The following PLEKHH1 variants were observed in gnomAD, a reference collection of about 807,000 sequenced individuals.
The protein encoded by PLEKHH1 is pleckstrin homology, MyTH4 and FERM domain containing H1.
In PLEKHH1, 104 loss-of-function variants were observed where a neutral mutation model predicts 160.0. That is an observed-to-expected ratio of 0.65 (90% confidence interval 0.55 to 0.76). The LOEUF (loss-of-function observed/expected upper bound fraction) is 0.76, where lower values mean the gene tolerates loss of function less well. Among genes scored for constraint, PLEKHH1 ranks in the 30% least tolerant of loss-of-function variants. The pLI is 0.00. For missense variants in PLEKHH1, 1,427 were observed against 1,724.1 expected (o/e 0.83, Z 3.05); for synonymous variants, 619 against 678.4 (o/e 0.91, Z 1.36).
chr14:67,573,305 G>A lies in PLEKHH1; in HGVS notation c.1758G>A (p.Leu586=). ...CACTGGAGAAGTCGGGCTACCTGCTGAAAATGGGGAGCCAGGTGAAGACGT... is the reference window on the plus strand; with the variant it reads ...CACTGGAGAAGTCGGGCTACCTGCTAAAAATGGGGAGCCAGGTGAAGACGT... The part of the protein sequence containing the change: ...GESLEKSGYL[L]KMGSQVKTWK... The change falls in exon 12 of 29, where the codon CTG becomes CTA. Residue 586 remains leucine, a synonymous_variant. Transcript: ENST00000329153. The surrounding 1 kb of genome is among the most constrained non-coding windows in gnomAD (Gnocchi z 4.8). 6.2e-7 allele frequency: 1 copy of A among 1,613,564 alleles called. No homozygotes were observed. Among genetic ancestry groups the A allele is most frequent in the Non-Finnish European group, 8.5e-7 (1 of 1,179,630 alleles).
intron 1 of PLEKHH1, among the ~76,000 whole-genome samples, chr14:67,537,721 T>G (rs2033796100): frequency 6.6e-6 from 1 of 152,194 alleles, no homozygotes; most frequent in South Asian, 2.1e-4. Context: ...CTCAAAATCC[T>G]CAAACTTGCC....
intron 23 of PLEKHH1, chr14:67,581,841 A>G: frequency 2.0e-6 from 1 of 503,042 alleles, no homozygotes; most frequent in Non-Finnish European, 3.6e-6. Context: ...GCTTAATGGT[A>G]TCTTCAGAAT....
intron 2 of PLEKHH1, among the ~76,000 whole-genome samples, chr14:67,553,166 A>T (rs2034465618): frequency 6.6e-6 from 1 of 152,192 alleles, no homozygotes; most frequent in African/African-American, 2.4e-5. Flanking sequence ...ATCGTTTCAG[A>T]ATGTCACAAA....
chr14:67,586,957 T>C (rs2036197348), intron 28 of PLEKHH1, 117 bp from the exon 29 acceptor site: 1 of 1,542,198 alleles, frequency 6.5e-7, no homozygotes. Flanking sequence ...CAGGTGGGTA[T>C]TTTAAGAGAT....
intron 3 of PLEKHH1, 90 bp downstream of exon 3, chr14:67,555,977 A>T (rs2034577336): frequency 1.3e-6 from 2 of 1,504,668 alleles, no homozygotes; most frequent in African/African-American, 1.4e-5. Context: ...GGACACATAC[A>T]TCACCAGCAG....
Position 67,578,921 on chromosome 14 carries a change from C to T in PLEKHH1, c.2850-213C>T, listed in dbSNP as rs927141626. Among the ~76,000 whole-genome samples, 8 of 152,176 alleles carry T rather than the reference C, an allele frequency of 5.3e-5. No individual in the cohort carries two copies. Among genetic ancestry groups the T allele is most frequent in the Non-Finnish European group, 1.5e-5 (1 of 68,042 alleles). ...CCAAGTGCTATTCTGTTGTTATGTC[C>T]TCTGGGTTCTAGAAGAAAATATCCA... On this transcript the variant is annotated intron_variant, in intron 20 of 28. Transcript: ENST00000329153. This position sits in a 1 kb window ranked among gnomAD's most constrained non-coding sequence, Gnocchi z 5.0.
intron 1 of PLEKHH1, among the ~76,000 whole-genome samples, chr14:67,541,474 C>T (rs931392264): frequency 6.6e-6 from 1 of 152,244 alleles, no homozygotes; most frequent in African/African-American, 2.4e-5. Context: ...GTGCAGAGCA[C>T]AGGGTCAGGC....
Position 67,583,889 on chromosome 14 carries a change from T to A in PLEKHH1, c.3569+6T>A. ...GCCCCCGCTGAACAGCTGAGGTAGG[T>A]AGGCTACAAGGTCTTGCAGCAAGTC... On this transcript the variant is annotated splice_donor_region_variant and intron_variant, in intron 25 of 28. Transcript: ENST00000329153. 6.2e-7 allele frequency: 1 copy of A among 1,613,488 alleles called. No individual in the cohort carries two copies. Among genetic ancestry groups the A allele is most frequent in the South Asian group, 1.1e-5 (1 of 91,050 alleles).
Position 67,578,012 on chromosome 14 carries a change from TTCCC to T in PLEKHH1, c.2575-6_2575-3del. 1 of 1,611,768 alleles carries T rather than the reference TTCCC, an allele frequency of 6.2e-7. No individual in the cohort carries two copies. Among genetic ancestry groups the T allele is most frequent in the African/African-American group, 1.3e-5 (1 of 74,962 alleles). On this transcript the variant is annotated splice_region_variant and splice_polypyrimidine_tract_variant and intron_variant, in intron 18 of 28. Transcript: ENST00000329153. The surrounding 1 kb of genome is among the most constrained non-coding windows in gnomAD (Gnocchi z 5.0). ...GCTGGTCTGCCTGTGCTCACTGCTG[TTCCC>T]TCCCAGTCCTGCCAGCTCTTCATCA... is the stretch of plus-strand genomic sequence containing the variant.
At chr14:67,580,124 C>T (rs955001600) in intron 22 of PLEKHH1, 10 of 430,868 alleles carry the variant, frequency 2.3e-5, no homozygotes, top group African/African-American at 6.0e-5. Flanking sequence ...GGCTGTGCAG[C>T]GTCCAGAAGA....
chr14:67,559,382 G>A (rs1434908266), intron 4 of PLEKHH1, among the ~76,000 whole-genome samples: 4 of 152,106 alleles, frequency 2.6e-5, no homozygotes, highest in Admixed American at 6.5e-5. Flanking sequence ...GATATGCCGC[G>A]TTTATTCAGC....
At position 67,573,560 on chromosome 14, in the gene PLEKHH1, C is replaced by T. The variant is rs1234963995; in HGVS notation, c.1839+174C>T. Among the ~76,000 whole-genome samples, 2 of 152,218 alleles carry T rather than the reference C, an allele frequency of 1.3e-5. No homozygotes were observed. Among genetic ancestry groups the T allele is most frequent in the Admixed American group, 1.3e-4 (2 of 15,270 alleles). ...GAGGCTTTGAGCCACACTTGGGGACCTAAGCCTGGCCGTGAGTTTCAGAAT... is the reference window on the plus strand; with the variant it reads ...GAGGCTTTGAGCCACACTTGGGGACTTAAGCCTGGCCGTGAGTTTCAGAAT... On this transcript the variant is annotated intron_variant, in intron 12 of 28. Coordinates refer to ENST00000329153, the MANE Select transcript of PLEKHH1 (RefSeq NM_020715.3). The surrounding 1 kb of genome is among the most constrained non-coding windows in gnomAD (Gnocchi z 4.8).
At position 67,589,428 on chromosome 14, in the gene PLEKHH1, A is replaced by C; in HGVS notation, c.*2193A>C. ...CTTGGCAAAAGTAGCTTTTGAACTG[A>C]TATAAAAAAAAATGCTGAGTAACAG... On this transcript the variant is annotated 3_prime_UTR_variant, in exon 29 of 29. Transcript: ENST00000329153. 1.0e-6 allele frequency: 1 copy of C among 985,340 alleles called. No individual in the cohort carries two copies. Among genetic ancestry groups the C allele is most frequent in the Non-Finnish European group, 1.2e-6 (1 of 829,860 alleles). The allele number at this position is 985,340 out of a possible 1,614,324, so 61.0% of individuals were successfully genotyped here.
intron 28 of PLEKHH1, 55 bp downstream of exon 28, chr14:67,586,152 A>C (rs752659770): frequency 3.8e-6 from 6 of 1,590,458 alleles, no homozygotes; most frequent in Non-Finnish European, 5.2e-6. Flanking sequence ...GTGGGCTTGG[A>C]GCTTAGAAAG....
rs549451161 is a variant in PLEKHH1 at position 67,574,389 on chromosome 14, G to A, written c.2074G>A (p.Gly692Ser). The A allele has an allele frequency of 5.7e-6, 9 of 1,576,184 alleles. No individual in the cohort carries two copies. The East Asian group carries it at 1.8e-4, about 32-fold the overall frequency. ...GGGTGGCACCAAGCCCACCGTGAAG[G>A]GCTGGCTGACCAAGGTAGAGGGTGG... ...LRGGTKPTVK[G>S]WLTKVKHGHS... The change falls in exon 14 of 29, where the codon GGC becomes AGC. Residue 692 changes from glycine (G) to serine (S), a missense_variant. Transcript: ENST00000329153. The surrounding 1 kb of genome is among the most constrained non-coding windows in gnomAD (Gnocchi z 4.2).
intron 1 of PLEKHH1, among the ~76,000 whole-genome samples, 160 bp from the exon 2 acceptor site, chr14:67,541,674 G>A (rs1182965626): frequency 6.6e-6 from 1 of 152,218 alleles, no homozygotes; most frequent in South Asian, 2.1e-4. Context: ...GGAAGGCAGG[G>A]AGGGGCCCTG....
At chr14:67,549,675 A>G (rs1414080145) in intron 2 of PLEKHH1, among the ~76,000 whole-genome samples, 1 of 152,190 alleles carries the variant, frequency 6.6e-6, no homozygotes, top group East Asian at 1.9e-4. Flanking sequence ...GTGCTCGTGA[A>G]CCATTTGAGA....
rs2034896468 is a variant in PLEKHH1 at position 67,562,659 on chromosome 14, G to A, written c.1028G>A (p.Gly343Asp). 1.2e-6 allele frequency: 2 copies of A among 1,612,694 alleles called. No homozygotes were observed. The highest frequency in any genetic ancestry group is 1.7e-6 in the Non-Finnish European group (2 of 1,179,398). The change falls in exon 7 of 29, where the codon GGC becomes GAC. Residue 343 changes from glycine to aspartate, a missense_variant. By Grantham distance (94) the Gly-to-Asp change is moderately conservative. This residue lies in a region of PLEKHH1 where 831 missense variants were observed against 929.2 expected (regional missense o/e 0.89). Transcript: ENST00000329153. ...CCCCAGGTGGGCCATGGGCACTTTG[G>A]CCGTGTGGTGAACATTGAGACTGAG... ...SQPQVGHGHF[G>D]RVVNIETEAF...
intron 15 of PLEKHH1, 96 bp from the exon 16 acceptor site, chr14:67,575,727 C>A: frequency 1.1e-6 from 1 of 927,194 alleles, no homozygotes; most frequent in Non-Finnish European, 1.7e-6. Flanking sequence ...GGTCCATATC[C>A]ACGATTCCCA....
Sources: allele counts gnomAD v4.1 joint callset (sites outside exome capture counted in the v4.1 genomes callset), GRCh38; gene constraint gnomAD v4.1.1; regional missense constraint gnomAD v4.1.1; non-coding constraint Gnocchi (gnomAD v3.1); transcripts MANE v1.5; gene names NCBI Gene and HGNC (gene_info 2026-07-23, HGNC 2026-07-21).